The following MARS1 variants were observed in gnomAD, a reference collection of about 807,000 sequenced individuals.
MARS1 encodes methionyl-tRNA synthetase 1.
A neutral mutation model predicts 119.5 loss-of-function variants in MARS1; 80 were observed. The observed-to-expected ratio is 0.67, with a 90% confidence interval of 0.56 to 0.81. The LOEUF is 0.81. MARS1 is among the 30% of genes least tolerant of loss of function. MARS1 has a pLI of 0.00. For synonymous variants in MARS1, 418 were observed against 433.4 expected, an observed-to-expected ratio of 0.96 and a Z score of 0.44; for missense variants, 945 against 1,116.5, an observed-to-expected ratio of 0.85 and a Z score of 2.19.
In MARS1 at chr12:57,511,865, C is replaced by A. The variant is rs911280490; in HGVS notation, c.1536C>A (p.Asp512Glu). Residue 512 changes from aspartate to glutamate, a missense_variant, in exon 12 of 21, where the codon GAC (aspartate) becomes GAA (glutamate). By Grantham distance (45) the Asp-to-Glu change is conservative. Transcript: ENST00000262027. ...GTPVPLEGFE[D>E]KVFYVWFDAT... ...CTGTACCCTTAGAAGGTTTTGAAGACAAGGTAAAAACCCTTTTTTATTCAT... is the reference window on the plus strand; with the variant it reads ...CTGTACCCTTAGAAGGTTTTGAAGAAAAGGTAAAAACCCTTTTTTATTCAT... The A allele has an allele frequency of 2.5e-6, 4 of 1,613,698 alleles. No individual in the cohort carries two copies. In the African/African-American group the frequency reaches 5.3e-5, roughly 22 times the overall value.
chr12:57,509,885 C>T (rs1877423011), intron 11 of MARS1, among the ~76,000 whole-genome samples: 1 of 152,158 alleles, frequency 6.6e-6, no homozygotes, highest in African/African-American at 2.4e-5. Context: ...CTACAATATA[C>T]CTAAAACAAT....
intron 1 of MARS1, chr12:57,488,654 G>C: frequency 6.4e-7 from 1 of 1,550,642 alleles, no homozygotes; most frequent in South Asian, 1.2e-5. Flanking sequence ...CTCTTAGGAG[G>C]TTCTCTTGTA....
intron 7 of MARS1, among the ~76,000 whole-genome samples, chr12:57,494,328 CTT>C (rs71448526): frequency 1.5e-4 from 18 of 121,204 alleles, no homozygotes; most frequent in African/African-American, 1.9e-4. Context: ...TCTTTTTTTT[CTT>C]TTTTTTTTTT....
intron 15 of MARS1, 120 bp from the exon 16 acceptor site, chr12:57,514,600 G>C: frequency 7.9e-7 from 1 of 1,271,522 alleles, no homozygotes; most frequent in African/African-American, 1.5e-5. Flanking sequence ...GGAGTTACCT[G>C]TTCCAGGCAG....
Position 57,493,869 on chromosome 12 carries a change from A to ATATTT in MARS1, c.770+3225_770+3226insTATTT, listed in dbSNP as rs1459749943. On this transcript the variant is annotated intron_variant, in intron 7 of 20. Transcript: ENST00000262027. ...TATAATATATATATTTATATTATAT[A>ATATTT]ATATATATAATATATAATATATATT... Among the ~76,000 whole-genome samples, 3 of 5,202 alleles carry ATATTT rather than the reference A, an allele frequency of 5.8e-4. No individual in the cohort carries two copies. In the Non-Finnish European group the frequency reaches 0.022, roughly 38 times the overall value. The allele number at this position is 5,202 out of a possible 152,430, so 3.4% of individuals were successfully genotyped here. A position where few individuals can be genotyped will look rare whatever the true frequency, so the allele number is the denominator to read the frequency against.
In MARS1 at chr12:57,513,032, G is replaced by T. The variant is rs1877601877; in HGVS notation, c.1967+68G>T. On this transcript the variant is annotated intron_variant, in intron 15 of 20. Transcript: ENST00000262027. Reference sequence around the variant, plus strand: ...GGGGCTCATTTTCCCTCAGGAGATGGGAATGTGGAGAGAACTAGAAAATGG... The same window carrying T: ...GGGGCTCATTTTCCCTCAGGAGATGTGAATGTGGAGAGAACTAGAAAATGG... 5.3e-6 allele frequency: 7 copies of T among 1,318,658 alleles called. No individual in the cohort carries two copies. In the East Asian group the frequency reaches 1.6e-4, roughly 30 times the overall value. The allele number at this position is 1,318,658 out of a possible 1,614,324, so 81.7% of individuals were successfully genotyped here. A position where few individuals can be genotyped will look rare whatever the true frequency, so the allele number is the denominator to read the frequency against.
In MARS1 at chr12:57,499,071, G is replaced by A. The variant is rs185154220; in HGVS notation, c.1091+448G>A. 6.4e-3 allele frequency among the ~76,000 whole-genome samples: 949 copies of A among 148,606 alleles called. 5 individuals are homozygous for A. The highest frequency in any genetic ancestry group is 0.021 in the Middle Eastern group (6 of 288). On this transcript the variant is annotated intron_variant, in intron 9 of 20. Transcript: ENST00000262027. ...GGCCGAGGCGGGCGGCTCACCGGAG[G>A]TCAGGAGTTCAAGACCAGCCTGACC... is the stretch of plus-strand genomic sequence containing the variant.
chr12:57,498,302 C>T, intron 8 of MARS1, 29 bp downstream of exon 8: 1 of 1,604,524 alleles, frequency 6.2e-7, no homozygotes. Flanking sequence ...GGAGAGACCT[C>T]CTAAGGGAAG....
In MARS1 at chr12:57,488,117, C is replaced by A; in HGVS notation, c.27C>A (p.Val9=). MRLFVSDG[V]PGCLPVLAAA... The stretch of plus-strand genomic sequence containing the variant: ...TGAGACTGTTCGTGAGTGATGGCGT[C>A]CCGGGTTGCTTGCCGGTGCTGGCCG... The change falls in exon 1 of 21, where the codon GTC becomes GTA. Residue 9 remains valine, a synonymous_variant. Transcript: ENST00000262027. 1 of 1,614,206 alleles carries A rather than the reference C, an allele frequency of 6.2e-7. No individual in the cohort carries two copies. The highest frequency in any genetic ancestry group is 8.5e-7 in the Non-Finnish European group (1 of 1,180,042).
Position 57,489,082 on chromosome 12 carries a change from A to T in MARS1, c.173A>T (p.Tyr58Phe), listed in dbSNP as rs964440174. The change falls in exon 2 of 21, where the codon TAC becomes TTC. Residue 58 changes from tyrosine to phenylalanine, a missense_variant. Transcript: ENST00000262027. Reference protein sequence around the residue: ...VPVLQLDSGNYLFSTSAICRY... With the variant: ...VPVLQLDSGNFLFSTSAICRY... ...GTCTTGCAGCTGGATAGCGGCAACT[A>T]CCTCTTCTCCACTAGTGCAATCTGC... 6.2e-7 allele frequency: 1 copy of T among 1,612,948 alleles called. No individual in the cohort carries two copies. The highest frequency in any genetic ancestry group is 8.5e-7 in the Non-Finnish European group (1 of 1,179,796).
At chr12:57,513,594 A>G (rs945244596) in intron 15 of MARS1, among the ~76,000 whole-genome samples, 1 of 150,538 alleles carries the variant, frequency 6.6e-6, no homozygotes, top group African/African-American at 2.5e-5. Flanking sequence ...CAGCCTTGGC[A>G]AAAGAGGGAG....
intron 11 of MARS1, among the ~76,000 whole-genome samples, chr12:57,511,303 G>C (rs547087205): frequency 6.6e-6 from 1 of 152,074 alleles, no homozygotes; most frequent in Admixed American, 6.6e-5. Flanking sequence ...TCTAGTTAAG[G>C]CTGGGCAGGG....
intron 9 of MARS1, 104 bp downstream of exon 9, chr12:57,498,727 C>G: frequency 9.6e-7 from 1 of 1,046,880 alleles, no homozygotes; most frequent in Middle Eastern, 2.4e-4. Context: ...TCTGGGCACT[C>G]CTAAACTTAG....
intron 16 of MARS1, 43 bp from the exon 17 acceptor site, chr12:57,514,911 C>T: frequency 3.7e-6 from 6 of 1,613,740 alleles, no homozygotes; most frequent in Non-Finnish European, 5.1e-6. Context: ...TTGTATTGGT[C>T]TCTGTAGGAC....
In MARS1 at chr12:57,490,640, C is replaced by A; in HGVS notation, c.766C>A (p.Pro256Thr). The change falls in exon 7 of 21, where the codon CCA (proline) becomes ACA (threonine). Residue 256 changes from proline to threonine, a missense_variant. Physicochemically the swap from Pro to Thr is conservative, Grantham distance 38. Coordinates refer to ENST00000262027, the MANE Select transcript of MARS1 (RefSeq NM_004990.4). ...GCCCCCGCTGCGGCCCCAGCAGAAT[C>A]CAGTGTGAGTAGACATGGCACATGT... ...SLPPLRPQQN[P>T]VLPVAGERNV... 6.2e-7 allele frequency: 1 copy of A among 1,613,868 alleles called. No homozygotes were observed.
At chr12:57,492,589 T>G (rs1041857974) in intron 7 of MARS1, among the ~76,000 whole-genome samples, 2 of 151,724 alleles carry the variant, frequency 1.3e-5, no homozygotes, top group African/African-American at 4.8e-5. Context: ...GAGAATCGCT[T>G]GAACCCGGGA....
intron 6 of MARS1, 33 bp downstream of exon 6, chr12:57,490,412 G>GTGGGAGGTGGC (rs771099544): frequency 1.2e-6 from 2 of 1,611,082 alleles, no homozygotes; most frequent in Non-Finnish European, 1.7e-6. Context: ...GGGGCCTGAG[G>GTGGGAGGTGGC]TGGGAGGTGG....
rs1877714827 is a variant in MARS1, at chr12:57,514,973, A to G, written c.2119A>G (p.Ser707Gly). The G allele has an allele frequency of 1.2e-6, 2 of 1,614,218 alleles. No individual in the cohort carries two copies. The highest frequency in any genetic ancestry group is 2.2e-5 in the East Asian group (1 of 44,886). ...TCCCAGGATCCGGGATGCCTTGCGCAGTATCCTCACCATATCTCGACATGG... is the reference window on the plus strand; with the variant it reads ...TCCCAGGATCCGGGATGCCTTGCGCGGTATCCTCACCATATCTCGACATGG... ...EKVRIRDALR[S>G]ILTISRHGNQ... is the part of the protein sequence containing the mutation. Residue 707 changes from serine to glycine, a missense_variant, in exon 17 of 21, where the codon AGT becomes GGT. Physicochemically the swap from Ser to Gly is moderately conservative, Grantham distance 56. Coordinates refer to ENST00000262027, the MANE Select transcript of MARS1 (RefSeq NM_004990.4).
rs375578416 is a variant in MARS1, at chr12:57,495,970, G to A, written c.771-2187G>A. ...CGGCAGTACAGTCCGGCCTCGGCTCGGCATCAGAGGGAGACCGTGGAAAGT... is the reference window on the plus strand; with the variant it reads ...CGGCAGTACAGTCCGGCCTCGGCTCAGCATCAGAGGGAGACCGTGGAAAGT... On this transcript the variant is annotated intron_variant, in intron 7 of 20. Coordinates refer to ENST00000262027, the MANE Select transcript of MARS1 (RefSeq NM_004990.4). Among the ~76,000 whole-genome samples, 9 of 152,316 alleles carry A rather than the reference G, an allele frequency of 5.9e-5. No individual in the cohort carries two copies. The East Asian group carries it at 9.6e-4, about 16-fold the overall frequency.
Sources: allele counts gnomAD v4.1 joint callset (sites outside exome capture counted in the v4.1 genomes callset), GRCh38; gene constraint gnomAD v4.1.1; transcripts MANE v1.5; gene names NCBI Gene and HGNC (gene_info 2026-07-23, HGNC 2026-07-21).